The following CNGB1 variants were observed in gnomAD, a reference collection of about 807,000 sequenced individuals.
CNGB1 encodes cyclic nucleotide-gated channel beta-1.
CNGB1 carries 126 observed loss-of-function variants against 151.7 expected under a neutral mutation model. That is an observed-to-expected ratio of 0.83 (90% CI 0.72 to 0.96). The LOEUF (loss-of-function observed/expected upper bound fraction) is 0.96. CNGB1 is among the 40% of genes least tolerant of loss of function. The probability of loss-of-function intolerance (pLI) is 0.00; values close to 1 mark genes in which losing one functional copy is unlikely to be tolerated. For synonymous variants in CNGB1, 623 were observed against 635.1 expected (o/e 0.98, Z 0.29); for missense variants, 1,698 against 1,627.0 (o/e 1.04, Z -0.75).
chr16:57,944,184 T>C (rs1326296192), intron 14 of CNGB1, among the ~76,000 whole-genome samples: 1 of 152,174 alleles, frequency 6.6e-6, no homozygotes, highest in Non-Finnish European at 1.5e-5. Context: ...CAAGGAAATG[T>C]CCTATATATA....
Position 57,912,830 on chromosome 16 carries a change from GTT to G in CNGB1, c.2369+98_2369+99del, listed in dbSNP as rs1960763817. 6.7e-6 allele frequency: 8 copies of G among 1,202,464 alleles called. No individual in the cohort carries two copies. In the South Asian group the frequency reaches 9.8e-5, roughly 15 times the overall value. 74.5% of individuals were successfully genotyped at this position (1,202,464 alleles called of 1,614,324 possible). On this transcript the variant is annotated intron_variant, in intron 24 of 32. Coordinates refer to ENST00000251102, the MANE Select transcript of CNGB1 (RefSeq NM_001297.5). Reference sequence around the variant, plus strand: ...TGTGTGTTGTGTGTGTCGTGTGTGTGTTGTGTGTGTGTCATCTGTGTTGTGTG... The same window carrying G: ...TGTGTGTTGTGTGTGTCGTGTGTGTGGTGTGTGTGTCATCTGTGTTGTGTG...
At chr16:57,958,921 CTTTT>C (rs10708381) in intron 10 of CNGB1, among the ~76,000 whole-genome samples, 1 of 119,870 alleles carries the variant, frequency 8.3e-6, no homozygotes, top group Non-Finnish European at 1.7e-5. Flanking sequence ...TCATGCCCAG[CTTTT>C]TTTTTTTTTT....
intron 17 of CNGB1, among the ~76,000 whole-genome samples, chr16:57,928,800 G>A (rs1380381859): frequency 6.6e-6 from 1 of 152,150 alleles, no homozygotes; most frequent in Non-Finnish European, 1.5e-5. Context: ...ACCATGCCCA[G>A]CTAATTTTTG....
At chr16:57,940,496 C>A (rs1331293703) in intron 14 of CNGB1, among the ~76,000 whole-genome samples, 175 bp from the exon 15 acceptor site, 1 of 152,186 alleles carries the variant, frequency 6.6e-6, no homozygotes, top group Non-Finnish European at 1.5e-5. Flanking sequence ...ATCACCCCAT[C>A]TGAGACATGC....
At chr16:57,887,012 C>CCACAA (rs1959949569) in intron 32 of CNGB1, among the ~76,000 whole-genome samples, 1 of 152,002 alleles carries the variant, frequency 6.6e-6, no homozygotes, top group South Asian at 2.1e-4. Flanking sequence ...GTAGCTAGGA[C>CCACAA]CACAGGCATG....
At chr16:57,963,387 GCCCA>G in intron 4 of CNGB1, among the ~76,000 whole-genome samples, 1 of 152,180 alleles carries the variant, frequency 6.6e-6, no homozygotes, top group East Asian at 1.9e-4. Context: ...GCCATTCAGA[GCCCA>G]CCCTCCATGG....
At chr16:57,899,150 C>T (rs1355979032) in intron 29 of CNGB1, among the ~76,000 whole-genome samples, 2 of 152,116 alleles carry the variant, frequency 1.3e-5, no homozygotes, top group Admixed American at 1.3e-4. Context: ...AATACAATGG[C>T]CTTAATCCCA....
chr16:57,940,418 G>A lies in CNGB1; in HGVS notation c.1122-97C>T, dbSNP rs181946788. On this transcript the variant is annotated intron_variant, in intron 14 of 32. Transcript: ENST00000251102. ...GAGGGCCACGCTCTGTGCCAGGAGC[G>A]GAGGGTACAGAGATGCCCAAGAACC... 838 of 1,221,766 alleles carry A rather than the reference G, an allele frequency of 6.9e-4. 4 individuals are homozygous for A. The African/African-American group carries it at 9.3e-3, about 14-fold the overall frequency. The allele number at this position is 1,221,766 out of a possible 1,614,324, so 75.7% of individuals were successfully genotyped here. A position where few individuals can be genotyped will look rare whatever the true frequency, so the allele number is the denominator to read the frequency against.
Position 57,939,431 on chromosome 16 carries a change from T to C in CNGB1, c.1371A>G (p.Gly457=). The change falls in exon 16 of 33, where the codon GGA becomes GGG. Residue 457 remains glycine, a splice_region_variant and synonymous_variant. Coordinates refer to ENST00000251102, the MANE Select transcript of CNGB1 (RefSeq NM_001297.5). ...PEAEAEAASS[G]VPATKQHPEV... ...CATCACCACCACCACCACACCTACC[T>C]CCTGAACTGGCAGCCTCGGCCTCAG... is the stretch of plus-strand genomic sequence containing the variant. 1.2e-6 allele frequency: 2 copies of C among 1,614,040 alleles called. No individual in the cohort carries two copies. Among genetic ancestry groups the C allele is most frequent in the South Asian group, 2.2e-5 (2 of 91,084 alleles).
intron 20 of CNGB1, among the ~76,000 whole-genome samples, chr16:57,918,077 GGATGGATA>G (rs1457852154): frequency 6.6e-6 from 1 of 151,810 alleles, no homozygotes; most frequent in Non-Finnish European, 1.5e-5. Flanking sequence ...ATGGATGGAT[GGATGGATA>G]GATGGGTATT....
chr16:57,960,376 G>A (rs1204954959), intron 9 of CNGB1, 106 bp downstream of exon 9: 1 of 1,418,242 alleles, frequency 7.1e-7, no homozygotes, highest in African/African-American at 1.4e-5. Context: ...GTCCTAGTCT[G>A]GGTGGGGGCT....
chr16:57,965,151 AACAG>A (rs1962359360), intron 2 of CNGB1, among the ~76,000 whole-genome samples: 2 of 152,250 alleles, frequency 1.3e-5, no homozygotes, highest in African/African-American at 2.4e-5. Flanking sequence ...TACATACATG[AACAG>A]ACATACAATG....
intron 14 of CNGB1, among the ~76,000 whole-genome samples, chr16:57,942,701 T>TCCC (rs1408282368): frequency 6.6e-6 from 1 of 151,350 alleles, no homozygotes; most frequent in East Asian, 1.9e-4. Flanking sequence ...CCCAACTCTA[T>TCCC]AAGATACAAA....
In CNGB1 at chr16:57,892,526, T is replaced by C. The variant is rs186492222; in HGVS notation, c.3243-4452A>G. ...GGACCTCAGTGTCTTGTGTGCATGA[T>C]GCTTGGACATCAACACTACATCCTT... On this transcript the variant is annotated intron_variant, in intron 31 of 32. Transcript: ENST00000251102. Among the ~76,000 whole-genome samples, 338 of 152,268 alleles carry C rather than the reference T, an allele frequency of 2.2e-3. 1 individual carries two copies. Among genetic ancestry groups the C allele is most frequent in the African/African-American group, 7.8e-3 (324 of 41,542 alleles).
chr16:57,955,436 G>A, intron 12 of CNGB1: 4 of 1,301,676 alleles, frequency 3.1e-6, no homozygotes, highest in Middle Eastern at 4.0e-4. Flanking sequence ...GAGTGAGTGA[G>A]TGAGTGGATG....
chr16:57,968,388 T>C (rs1962451638), intron 1 of CNGB1, among the ~76,000 whole-genome samples: 1 of 152,122 alleles, frequency 6.6e-6, no homozygotes, highest in Non-Finnish European at 1.5e-5. Flanking sequence ...TCCCAGCTAC[T>C]CAGGAGGCTG....
chr16:57,932,734 C>T (rs1961391207), intron 16 of CNGB1, among the ~76,000 whole-genome samples: 1 of 152,034 alleles, frequency 6.6e-6, no homozygotes, highest in East Asian at 1.9e-4. Context: ...GCACCTGCCA[C>T]CACGCCCGGC....
chr16:57,929,323 C>A lies in CNGB1; in HGVS notation c.1535+2393G>T, dbSNP rs536876683. ...GGACTACCTGAGACTGGATAATTTACAAAGGAAAGAGGTTTAAGTGACTCA... is the reference window on the plus strand; with the variant it reads ...GGACTACCTGAGACTGGATAATTTAAAAAGGAAAGAGGTTTAAGTGACTCA... On this transcript the variant is annotated intron_variant, in intron 17 of 32. Transcript: ENST00000251102. 3.3e-5 allele frequency among the ~76,000 whole-genome samples: 5 copies of A among 152,138 alleles called. No homozygotes were observed. The South Asian group carries it at 1.0e-3, about 32-fold the overall frequency.
At chr16:57,917,651 T>C (rs570192851) in intron 20 of CNGB1, among the ~76,000 whole-genome samples, 175 bp from the exon 21 acceptor site, 25 of 143,808 alleles carry the variant, frequency 1.7e-4, no homozygotes, top group Admixed American at 5.4e-4. Context: ...CACACACACA[T>C]ACACACACAC....
Sources: allele counts gnomAD v4.1 joint callset (sites outside exome capture counted in the v4.1 genomes callset), GRCh38; gene constraint gnomAD v4.1.1; transcripts MANE v1.5; gene names NCBI Gene and HGNC (gene_info 2026-07-23, HGNC 2026-07-21).